The following AGAP3 variants were observed in gnomAD, a reference collection of about 807,000 sequenced individuals.
AGAP3 encodes the protein ArfGAP with GTPase domain, ankyrin repeat and PH domain 3.
In AGAP3, 24 loss-of-function variants were observed where a neutral mutation model predicts 96.9. The observed-to-expected ratio is 0.25, with a 90% CI of 0.18 to 0.35. The LOEUF is 0.35. Ranked by LOEUF, AGAP3 falls within the 10% of genes least tolerant of loss-of-function variation. AGAP3 has a pLI of 1.00. For missense variants in AGAP3, 876 were observed against 1,254.2 expected (o/e 0.70, Z 4.55); for synonymous variants, 563 against 536.1 (o/e 1.05, Z -0.69).
At chr7:151,109,562 G>A (rs1380839450) in intron 1 of AGAP3, among the ~76,000 whole-genome samples, 1 of 152,070 alleles carries the variant, frequency 6.6e-6, no homozygotes, top group African/African-American at 2.4e-5. Context: ...ATAAGGACAC[G>A]AGTCAGATTG....
intron 1 of AGAP3, among the ~76,000 whole-genome samples, chr7:151,091,857 C>A (rs1025193874): frequency 6.6e-6 from 1 of 152,184 alleles, no homozygotes; most frequent in Non-Finnish European, 1.5e-5. Flanking sequence ...TCATTTATTT[C>A]TTTCCTCAAA....
At chr7:151,117,929 G>T in intron 5 of AGAP3, 152 bp downstream of exon 5, 1 of 1,180,560 alleles carries the variant, frequency 8.5e-7, no homozygotes, top group Non-Finnish European at 1.2e-6. Flanking sequence ...TGCTGCTCGT[G>T]TCTGAGGGCT....
chr7:151,114,851 C>T lies in AGAP3; in HGVS notation c.332-1942C>T. 5 of 1,044,620 alleles carry T rather than the reference C, an allele frequency of 4.8e-6. No individual in the cohort carries two copies. The highest frequency in any genetic ancestry group is 5.7e-6 in the Non-Finnish European group (5 of 869,580). The allele number at this position is 1,044,620 out of a possible 1,614,324, so 64.7% of individuals were successfully genotyped here. A position where few individuals can be genotyped will look rare whatever the true frequency, so the allele number is the denominator to read the frequency against. ...GCCGCCGCGCCCACAGCGTCTGCGA[C>T]TCGCTGGACCTGCACGGCGCCTCGG... On this transcript the variant is annotated intron_variant, in intron 1 of 17. Transcript: ENST00000397238. The surrounding 1 kb of genome is among the most constrained non-coding windows in gnomAD (Gnocchi z 4.4).
chr7:151,092,106 T>C (rs987108706), intron 1 of AGAP3, among the ~76,000 whole-genome samples: 2 of 152,142 alleles, frequency 1.3e-5, no homozygotes, highest in Admixed American at 1.3e-4. Context: ...CAGGAGTTGG[T>C]GCGTCATTCT....
At chr7:151,123,027 A>G (rs1799985017) in intron 8 of AGAP3, 4 of 1,362,376 alleles carry the variant, frequency 2.9e-6, no homozygotes, top group Admixed American at 3.5e-5. Context: ...CATGGAGAAG[A>G]AGGCAGCTCG....
In AGAP3 at chr7:151,114,875, G is replaced by C. The variant is rs1563464076; in HGVS notation, c.332-1918G>C. 4.0e-6 allele frequency: 4 copies of C among 1,012,014 alleles called. No individual in the cohort carries two copies. In the East Asian group the frequency reaches 3.0e-4, roughly 77 times the overall value. 62.7% of individuals were successfully genotyped at this position (1,012,014 alleles called of 1,614,324 possible). A position where few individuals can be genotyped will look rare whatever the true frequency, so the allele number is the denominator to read the frequency against. ...ACTCGCTGGACCTGCACGGCGCCTC[G>C]GCCGGCCGCGCTGCCGCCGCCCTGC... On this transcript the variant is annotated intron_variant, in intron 1 of 17. Transcript: ENST00000397238. The surrounding 1 kb of genome is among the most constrained non-coding windows in gnomAD (Gnocchi z 4.4).
intron 9 of AGAP3, 153 bp from the exon 10 acceptor site, chr7:151,128,427 A>G: frequency 1.6e-6 from 1 of 612,318 alleles, no homozygotes; most frequent in East Asian, 2.8e-5. Context: ...GGCCTTCCCA[A>G]GTTCACCGAT....
At chr7:151,138,354 C>T (rs1241456235) in intron 12 of AGAP3, 41 bp downstream of exon 12, 2 of 1,568,446 alleles carry the variant, frequency 1.3e-6, no homozygotes, top group Non-Finnish European at 1.7e-6. Context: ...TTCTGGGGCC[C>T]CAGTGACAGA....
Position 151,140,010 on chromosome 7 carries a change from C to A in AGAP3, c.1698C>A (p.Ser566Arg), listed in dbSNP as rs1261373138. Residue 566 changes from serine to arginine, a missense_variant, in exon 13 of 18, where the codon AGC becomes AGA. Physicochemically the swap from Ser to Arg is moderately radical, Grantham distance 110 (BLOSUM62 -1). Coordinates refer to ENST00000397238, the MANE Select transcript of AGAP3 (RefSeq NM_031946.7). The surrounding 1 kb of genome is among the most constrained non-coding windows in gnomAD (Gnocchi z 5.4). Reference protein sequence around the residue: ...ASGPAEVLSSSPKLDPPPSPH... With the variant: ...ASGPAEVLSSRPKLDPPPSPH... ...GCCCAGCTGAGGTACTCAGTTCCAGCCCCAAGCTGGATCCTCCCCCATCTC... is the reference window on the plus strand; with the variant it reads ...GCCCAGCTGAGGTACTCAGTTCCAGACCCAAGCTGGATCCTCCCCCATCTC... 1 of 1,595,246 alleles carries A rather than the reference C, an allele frequency of 6.3e-7. No individual in the cohort carries two copies. The highest frequency in any genetic ancestry group is 1.1e-5 in the South Asian group (1 of 87,610).
At chr7:151,134,837 C>G (rs1800532637) in intron 11 of AGAP3, among the ~76,000 whole-genome samples, 1 of 152,152 alleles carries the variant, frequency 6.6e-6, no homozygotes, top group South Asian at 2.1e-4. Flanking sequence ...TGGTCCTAGG[C>G]CCATCTCTGC....
chr7:151,122,650 C>T, intron 8 of AGAP3: 2 of 1,585,626 alleles, frequency 1.3e-6, no homozygotes, highest in Non-Finnish European at 1.7e-6. Flanking sequence ...GGGTCTCTGC[C>T]CTCACCGGTG....
rs943809243 is a variant in AGAP3 at position 151,130,392 on chromosome 7, G to A, written c.1326+1708G>A. 7.2e-5 allele frequency among the ~76,000 whole-genome samples: 11 copies of A among 152,142 alleles called. No individual in the cohort carries two copies. The East Asian group carries it at 1.7e-3, about 24-fold the overall frequency. ...GGTTGGTGGCTTTTCAGAGTCACCC[G>A]GCTGGTGGCTGAGCTAAGACTTGGA... On this transcript the variant is annotated intron_variant, in intron 10 of 17. Coordinates refer to ENST00000397238, the MANE Select transcript of AGAP3 (RefSeq NM_031946.7).
At position 151,108,245 on chromosome 7, in the gene AGAP3, G is replaced by A. The variant is rs982805238; in HGVS notation, c.332-8548G>A. 6.6e-6 allele frequency among the ~76,000 whole-genome samples: 1 copy of A among 152,228 alleles called. No homozygotes were observed. Among genetic ancestry groups the A allele is most frequent in the South Asian group, 2.1e-4 (1 of 4,836 alleles). ...TGTCCACCATTGCACCCAGCACAGA[G>A]CTCATGGATAGACAGGAAAACAAAC... On this transcript the variant is annotated intron_variant, in intron 1 of 17. Coordinates refer to ENST00000397238, the MANE Select transcript of AGAP3 (RefSeq NM_031946.7). This position sits in a 1 kb window ranked among gnomAD's most constrained non-coding sequence, Gnocchi z 4.2.
chr7:151,142,154 G>A lies in AGAP3; in HGVS notation c.1960-9G>A. On this transcript the variant is annotated splice_polypyrimidine_tract_variant and intron_variant, in intron 14 of 17. Coordinates refer to ENST00000397238, the MANE Select transcript of AGAP3 (RefSeq NM_031946.7). The surrounding 1 kb of genome is among the most constrained non-coding windows in gnomAD (Gnocchi z 7.5). ...CGCCCCTTGTCTTGTCTCTCCTGCTGTGCGACAGACTCGACTGGGGAACCA... is the reference window on the plus strand; with the variant it reads ...CGCCCCTTGTCTTGTCTCTCCTGCTATGCGACAGACTCGACTGGGGAACCA... The A allele has an allele frequency of 3.1e-6, 5 of 1,613,674 alleles. No individual in the cohort carries two copies. The highest frequency in any genetic ancestry group is 4.2e-6 in the Non-Finnish European group (5 of 1,179,840).
At position 151,108,316 on chromosome 7, in the gene AGAP3, G is replaced by A. The variant is rs539322769; in HGVS notation, c.332-8477G>A. On this transcript the variant is annotated intron_variant, in intron 1 of 17. Transcript: ENST00000397238. This position sits in a 1 kb window ranked among gnomAD's most constrained non-coding sequence, Gnocchi z 4.2. Reference sequence around the variant, plus strand: ...AGTACTACAATACCGCCATGTCACCGGCCTGGTGTCGAAAGGCCATTTTCG... The same window carrying A: ...AGTACTACAATACCGCCATGTCACCAGCCTGGTGTCGAAAGGCCATTTTCG... Among the ~76,000 whole-genome samples, 2 of 152,242 alleles carry A rather than the reference G, an allele frequency of 1.3e-5. No individual in the cohort carries two copies. Among genetic ancestry groups the A allele is most frequent in the South Asian group, 2.1e-4 (1 of 4,830 alleles).
intron 11 of AGAP3, among the ~76,000 whole-genome samples, chr7:151,135,397 ACCT>A (rs763075791): frequency 4.6e-5 from 7 of 151,938 alleles, no homozygotes; most frequent in Non-Finnish European, 8.8e-5. Context: ...TGGGTGAGTC[ACCT>A]CCCTAGAGGG....
Position 151,142,442 on chromosome 7 carries a change from C to A in AGAP3, c.2081C>A (p.Ala694Asp). Residue 694 changes from alanine (A) to aspartate (D), a missense_variant, in exon 16 of 18, where the codon GCC (alanine) becomes GAC (aspartate). This residue lies in a region of AGAP3 where 103 missense variants were observed against 183.0 expected (regional missense o/e 0.56). Coordinates refer to ENST00000397238, the MANE Select transcript of AGAP3 (RefSeq NM_031946.7). This position sits in a 1 kb window ranked among gnomAD's most constrained non-coding sequence, Gnocchi z 7.5. ...NPDWASLNLG[A>D]LMCIECSGIH... ...GACTGGGCCAGCCTGAACCTGGGTGCCCTGATGTGCATTGAGTGCTCAGGC... is the reference window on the plus strand; with the variant it reads ...GACTGGGCCAGCCTGAACCTGGGTGACCTGATGTGCATTGAGTGCTCAGGC... The A allele has an allele frequency of 6.2e-7, 1 of 1,613,940 alleles. No homozygotes were observed. The highest frequency in any genetic ancestry group is 8.5e-7 in the Non-Finnish European group (1 of 1,179,998).
chr7:151,125,943 A>G (rs1800142078), intron 9 of AGAP3, among the ~76,000 whole-genome samples: 1 of 151,916 alleles, frequency 6.6e-6, no homozygotes, highest in African/African-American at 2.4e-5. Flanking sequence ...CGCCGTGCGC[A>G]GCCGGCCGGC....
intron 9 of AGAP3, among the ~76,000 whole-genome samples, chr7:151,126,917 C>T (rs1210788496): frequency 6.6e-6 from 1 of 152,248 alleles, no homozygotes; most frequent in Non-Finnish European, 1.5e-5. Flanking sequence ...TGTACTTCAA[C>T]TCCCAGCCCG....
Sources: gnomAD v4.1 joint callset for allele counts (sites outside exome capture counted in the v4.1 genomes callset) on GRCh38, gnomAD v4.1.1 for gene constraint, gnomAD v4.1.1 regional missense constraint, Gnocchi (gnomAD v3.1) non-coding constraint, MANE v1.5 for transcripts, NCBI Gene and HGNC (gene_info 2026-07-23, HGNC 2026-07-21) for gene names.